Variants in PIP4K2B observed in about 807,000 individuals in gnomAD.
PIP4K2B encodes phosphatidylinositol 5-phosphate 4-kinase type-2 beta.
PIP4K2B carries 3 observed loss-of-function variants against 42.0 expected under a neutral mutation model. That is an observed-to-expected ratio of 0.07 (90% CI 0.03 to 0.18). The LOEUF (loss-of-function observed/expected upper bound fraction) is 0.18. PIP4K2B is among the 10% of genes least tolerant of loss of function. The pLI, the probability that PIP4K2B is intolerant of heterozygous loss-of-function variation, is 1.00. For missense variants in PIP4K2B, 332 were observed against 562.3 expected (o/e 0.59, Z 4.14); for synonymous variants, 204 against 210.1 (o/e 0.97, Z 0.25).
At chr17:38,770,834 G>A (rs1908982765) in intron 8 of PIP4K2B, among the ~76,000 whole-genome samples, 180 bp downstream of exon 8, 1 of 152,144 alleles carries the variant, frequency 6.6e-6, no homozygotes, top group East Asian at 1.9e-4. Context: ...AGGAAAGCCT[G>A]GCAGAGGAGG....
chr17:38,797,922 C>A (rs946190222), intron 1 of PIP4K2B, among the ~76,000 whole-genome samples: 3 of 152,196 alleles, frequency 2.0e-5, no homozygotes, highest in African/African-American at 4.8e-5. Context: ...GCTATCCTGG[C>A]AGGACCCTCA....
intron 7 of PIP4K2B, among the ~76,000 whole-genome samples, chr17:38,771,546 CAAAA>C (rs58817119): frequency 2.5e-5 from 1 of 39,768 alleles, no homozygotes; most frequent in South Asian, 1.1e-3. Flanking sequence ...GAGATGGTCT[CAAAA>C]AAAAAAAAAA....
intron 7 of PIP4K2B, among the ~76,000 whole-genome samples, chr17:38,776,234 T>A (rs904585748): frequency 6.6e-6 from 1 of 152,002 alleles, no homozygotes; most frequent in Non-Finnish European, 1.5e-5. Context: ...CCTCCCAAAG[T>A]GCTGGGATTA....
chr17:38,773,991 T>C (rs1909180516), intron 7 of PIP4K2B, among the ~76,000 whole-genome samples: 1 of 152,102 alleles, frequency 6.6e-6, no homozygotes, highest in African/African-American at 2.4e-5. Flanking sequence ...ACAAATAATG[T>C]CAGATGATGA....
chr17:38,794,255 T>C (rs999687991), intron 1 of PIP4K2B, among the ~76,000 whole-genome samples: 24 of 151,986 alleles, frequency 1.6e-4, no homozygotes, highest in Admixed American at 3.9e-4. Flanking sequence ...ATTCTCCTTA[T>C]ATAAGGTTTC....
chr17:38,783,627 T>A (rs1279392455), intron 3 of PIP4K2B, among the ~76,000 whole-genome samples: 1 of 151,902 alleles, frequency 6.6e-6, no homozygotes, highest in Non-Finnish European at 1.5e-5. Flanking sequence ...TGAGACTGAG[T>A]TTCACTCTTG....
At chr17:38,778,520 A>T in intron 5 of PIP4K2B, 148 bp from the exon 6 acceptor site, 1 of 767,398 alleles carries the variant, frequency 1.3e-6, no homozygotes, top group Non-Finnish European at 2.3e-6. Flanking sequence ...TTACTGTGTC[A>T]AGCCCACTTA....
rs1163279684 is a variant in PIP4K2B at position 38,795,753 on chromosome 17, G to GA, written c.159+3512dup. ...GCGACAGAGCAAGACTCTGTCTCAA[G>GA]AAAAAAAAAAAAAGAAAAGAATATG... On this transcript the variant is annotated intron_variant, in intron 1 of 9. Transcript: ENST00000619039. Among the ~76,000 whole-genome samples the GA allele has an allele frequency of 9.5e-3, 1,059 of 111,766 alleles. 7 individuals carry two copies. Among genetic ancestry groups the GA allele is most frequent in the African/African-American group, 0.026 (830 of 31,706 alleles). The allele number at this position is 111,766 out of a possible 152,430, so 73.3% of individuals were successfully genotyped here.
intron 1 of PIP4K2B, among the ~76,000 whole-genome samples, chr17:38,787,419 C>T (rs1910091425): frequency 6.6e-6 from 1 of 152,198 alleles, no homozygotes; most frequent in South Asian, 2.1e-4. Context: ...AAAGGCACCT[C>T]CTCCATGAAG....
At chr17:38,794,091 C>T (rs1007661642) in intron 1 of PIP4K2B, among the ~76,000 whole-genome samples, 11 of 152,102 alleles carry the variant, frequency 7.2e-5, no homozygotes, top group Admixed American at 2.6e-4. Context: ...GAAAACAAAT[C>T]CATCAACAGA....
chr17:38,769,817 A>G (rs571222902), intron 9 of PIP4K2B, 46 bp from the exon 10 acceptor site: 10 of 1,595,370 alleles, frequency 6.3e-6, no homozygotes, highest in African/African-American at 2.7e-5. Context: ...CTGTGCCCCA[A>G]TCAGGAGGCT....
chr17:38,783,355 T>C (rs1457307531), intron 3 of PIP4K2B, among the ~76,000 whole-genome samples: 3 of 152,084 alleles, frequency 2.0e-5, no homozygotes, highest in Non-Finnish European at 2.9e-5. Flanking sequence ...CTGAGTCAGA[T>C]TCTAATGTCC....
chr17:38,776,636 AC>A lies in PIP4K2B; in HGVS notation c.807+1050del, dbSNP rs142262894. ...CAGAACGAGAATCTCCTAAAAAAAA[AC>A]AAAACAAACAAACAAACAAAAAAAA... On this transcript the variant is annotated intron_variant, in intron 7 of 9. Coordinates refer to ENST00000619039, the MANE Select transcript of PIP4K2B (RefSeq NM_003559.5). 2.1e-3 allele frequency: 955 copies of A among 445,084 alleles called. 9 individuals carry two copies. Among genetic ancestry groups the A allele is most frequent in the African/African-American group, 0.018 (878 of 49,220 alleles). 27.6% of individuals were successfully genotyped at this position (445,084 alleles called of 1,614,324 possible).
chr17:38,779,040 T>C (rs1476841651), intron 5 of PIP4K2B, among the ~76,000 whole-genome samples: 1 of 152,120 alleles, frequency 6.6e-6, no homozygotes, highest in Non-Finnish European at 1.5e-5. Flanking sequence ...AGTGTGTCCT[T>C]CTCAGAGTCT....
chr17:38,768,572 A>G lies in PIP4K2B; in HGVS notation c.*1119T>C, dbSNP rs1908834872. On this transcript the variant is annotated 3_prime_UTR_variant, in exon 10 of 10. Transcript: ENST00000619039. ...TAACTCTCCAGGCACAGGGAGACAG[A>G]TCTCCTACAAGGTCATCCCGGAGCT... 6.6e-6 allele frequency: 1 copy of G among 152,244 alleles called. No individual in the cohort carries two copies. The highest frequency in any genetic ancestry group is 1.5e-5 in the Non-Finnish European group (1 of 68,040). 9.4% of individuals were successfully genotyped at this position (152,244 alleles called of 1,614,324 possible). A position where few individuals can be genotyped will look rare whatever the true frequency, so the allele number is the denominator to read the frequency against.
intron 7 of PIP4K2B, among the ~76,000 whole-genome samples, chr17:38,773,961 GAGA>G (rs1406875002): frequency 1.3e-5 from 2 of 152,234 alleles, no homozygotes; most frequent in Non-Finnish European, 2.9e-5. Flanking sequence ...GTAGAAAAGG[GAGA>G]AGGACAAAGA....
chr17:38,791,860 C>A (rs1241582909), intron 1 of PIP4K2B, among the ~76,000 whole-genome samples: 1 of 150,670 alleles, frequency 6.6e-6, no homozygotes, highest in Non-Finnish European at 1.5e-5. Context: ...GAGGCCGAGG[C>A]GGGCGGATCA....
chr17:38,786,963 C>T lies in PIP4K2B; in HGVS notation c.160-43G>A, dbSNP rs778040306. The T allele has an allele frequency of 4.0e-6, 5 of 1,260,298 alleles. No individual in the cohort carries two copies. In the South Asian group the frequency reaches 5.9e-5, roughly 15 times the overall value. The allele number at this position is 1,260,298 out of a possible 1,614,324, so 78.1% of individuals were successfully genotyped here. ...CGTAAGGCTCTCAGCCAGGAGGCCA[C>T]CTGCCTCAGAGACACTAAGCTACAA... On this transcript the variant is annotated intron_variant, in intron 1 of 9. Coordinates refer to ENST00000619039, the MANE Select transcript of PIP4K2B (RefSeq NM_003559.5).
intron 9 of PIP4K2B, 94 bp from the exon 10 acceptor site, chr17:38,769,865 C>T (rs755913596): frequency 4.2e-6 from 5 of 1,180,050 alleles, no homozygotes; most frequent in Non-Finnish European, 6.4e-6. Context: ...AAGCCTCTTA[C>T]TCAGTATCAG....
Sources: allele counts gnomAD v4.1 joint callset (sites outside exome capture counted in the v4.1 genomes callset), GRCh38; gene constraint gnomAD v4.1.1; transcripts MANE v1.5; gene names NCBI Gene and HGNC (gene_info 2026-07-23, HGNC 2026-07-21).